FMN1: variants seen among roughly 807,000 people sequenced by gnomAD.
FMN1 encodes formin-1.
A neutral mutation model predicts 132.4 loss-of-function variants in FMN1; 110 were observed. That is an observed-to-expected ratio of 0.83 (90% CI 0.71 to 0.97). FMN1 has a LOEUF of 0.97. Ranked by LOEUF, FMN1 falls within the 50% of genes least tolerant of loss-of-function variation. The probability of loss-of-function intolerance (pLI) is 0.00; values close to 1 mark genes in which losing one functional copy is unlikely to be tolerated. For missense variants in FMN1, 1,792 were observed against 1,705.3 expected, an observed-to-expected ratio of 1.05 and a Z score of -0.90; for synonymous variants, 722 against 651.7, an observed-to-expected ratio of 1.11 and a Z score of -1.64.
rs1440711269 is a variant in FMN1 at position 33,008,020 on chromosome 15, G to T, written c.2217C>A (p.Asn739Lys). ...TAGCATCAAAGAGGCATACCTGCAG[G>T]TTTTCAATTTCTTCTTTGTGCTCCC... is the stretch of plus-strand genomic sequence containing the variant. ...LKREHKEEIE[N>K]LQAQFELRAF... Residue 739 changes from asparagine to lysine, a missense_variant, in exon 7 of 21, where the codon AAC (asparagine) becomes AAA (lysine). Coordinates refer to ENST00000616417, the MANE Select transcript of FMN1 (RefSeq NM_001277313.2). 3 of 1,600,262 alleles carry T rather than the reference G, an allele frequency of 1.9e-6. No individual in the cohort carries two copies. The African/African-American group carries it at 4.0e-5, about 21-fold the overall frequency.
chr15:33,126,706 A>C (rs985062267), intron 4 of FMN1, among the ~76,000 whole-genome samples: 11 of 145,954 alleles, frequency 7.5e-5, no homozygotes, highest in African/African-American at 2.7e-4. Flanking sequence ...AAGGCAATAA[A>C]AGAGCAATCT....
At chr15:32,969,979 GGAA>G (rs779352079) in intron 7 of FMN1, among the ~76,000 whole-genome samples, 1 of 152,068 alleles carries the variant, frequency 6.6e-6, no homozygotes, top group Non-Finnish European at 1.5e-5. Flanking sequence ...AGAAAGCAAG[GGAA>G]GAAGCCACGA....
chr15:33,117,134 T>C (rs771154826), intron 4 of FMN1, among the ~76,000 whole-genome samples: 1 of 152,080 alleles, frequency 6.6e-6, no homozygotes, highest in Non-Finnish European at 1.5e-5. Flanking sequence ...TTAAGAACAA[T>C]GGAGGATCTA....
intron 9 of FMN1, 94 bp downstream of exon 9, chr15:32,964,013 C>CAA (rs528390970): frequency 0.024 from 8,075 of 339,002 alleles, 90 homozygotes; most frequent in African/African-American, 0.13. Flanking sequence ...TGTGTATATA[C>CAA]GATACACACA....
chr15:33,009,504 G>A (rs901853715), intron 6 of FMN1, among the ~76,000 whole-genome samples: 10 of 151,988 alleles, frequency 6.6e-5, no homozygotes, highest in South Asian at 4.2e-4. Context: ...ATACTCCACC[G>A]TACACTGGCT....
intron 16 of FMN1, among the ~76,000 whole-genome samples, chr15:32,874,579 C>T (rs978120036): frequency 2.0e-5 from 3 of 152,140 alleles, no homozygotes; most frequent in African/African-American, 7.2e-5. Context: ...CCTCTGTTTA[C>T]CCTCTAACAG....
chr15:33,078,800 G>C (rs865832226), intron 5 of FMN1, among the ~76,000 whole-genome samples: 1 of 151,500 alleles, frequency 6.6e-6, no homozygotes, highest in African/African-American at 2.4e-5. Flanking sequence ...TCATCCTGGA[G>C]AGAGAGAGGA....
At chr15:32,960,282 A>G (rs1239370061) in intron 9 of FMN1, among the ~76,000 whole-genome samples, 1 of 152,204 alleles carries the variant, frequency 6.6e-6, no homozygotes, top group African/African-American at 2.4e-5. Flanking sequence ...TGGAACAACC[A>G]AATCTCGTGA....
At chr15:33,072,181 G>A (rs922511) in intron 5 of FMN1, among the ~76,000 whole-genome samples, 2 of 152,172 alleles carry the variant, frequency 1.3e-5, no homozygotes, top group Non-Finnish European at 2.9e-5. Context: ...GATTAAAAAT[G>A]ATCCACCTCA....
chr15:32,917,932 T>C (rs1168934121), intron 10 of FMN1, among the ~76,000 whole-genome samples: 1 of 152,204 alleles, frequency 6.6e-6, no homozygotes, highest in Non-Finnish European at 1.5e-5. Flanking sequence ...ATTTATTTAG[T>C]ATATACATTC....
At chr15:33,020,834 C>T (rs996832084) in intron 6 of FMN1, among the ~76,000 whole-genome samples, 3 of 152,104 alleles carry the variant, frequency 2.0e-5, no homozygotes, top group Non-Finnish European at 2.9e-5. Context: ...CAGTATTAGC[C>T]CTTTAAGCCT....
At chr15:32,878,247 G>A (rs183758001) in intron 16 of FMN1, among the ~76,000 whole-genome samples, 13 of 152,302 alleles carry the variant, frequency 8.5e-5, no homozygotes, top group African/African-American at 3.1e-4. Context: ...GAGTTTAGTG[G>A]GCAGGAGGGG....
At chr15:33,159,736 A>T (rs552822219) in intron 3 of FMN1, among the ~76,000 whole-genome samples, 1 of 152,220 alleles carries the variant, frequency 6.6e-6, no homozygotes, top group Non-Finnish European at 1.5e-5. Flanking sequence ...CTGGACTCAA[A>T]TGTGCCTGAA....
At chr15:32,926,402 C>T (rs2060962535) in intron 9 of FMN1, 141 bp from the exon 10 acceptor site, 4 of 549,948 alleles carry the variant, frequency 7.3e-6, no homozygotes, top group Admixed American at 3.7e-5. Context: ...TTAAATAATA[C>T]TTAATTGGGA....
At position 32,865,963 on chromosome 15, in the gene FMN1, C is replaced by T. The variant is rs8035260; in HGVS notation, c.3836-8856G>A. ...TTTGGAAAATTAAAACAATAGCTTTCGCACATTCTTAATTGTGGCATACAG... is the reference window on the plus strand; with the variant it reads ...TTTGGAAAATTAAAACAATAGCTTTTGCACATTCTTAATTGTGGCATACAG... On this transcript the variant is annotated intron_variant, in intron 16 of 20. Coordinates refer to ENST00000616417, the MANE Select transcript of FMN1 (RefSeq NM_001277313.2). 2.6e-4 allele frequency among the ~76,000 whole-genome samples: 39 copies of T among 151,932 alleles called. No homozygotes were observed. In the East Asian group the frequency reaches 3.7e-3, roughly 14 times the overall value.
chr15:33,147,916 G>A (rs1047781147), intron 4 of FMN1, among the ~76,000 whole-genome samples: 2 of 151,934 alleles, frequency 1.3e-5, no homozygotes, highest in African/African-American at 4.8e-5. Flanking sequence ...AATTTTAAGA[G>A]CTTTGTGTGT....
At chr15:33,026,917 G>A (rs1023315495) in intron 6 of FMN1, among the ~76,000 whole-genome samples, 1 of 152,140 alleles carries the variant, frequency 6.6e-6, no homozygotes, top group African/African-American at 2.4e-5. Flanking sequence ...TATTGCAGCT[G>A]TCACTGGGCT....
At chr15:32,919,316 T>C (rs1019922726) in intron 10 of FMN1, among the ~76,000 whole-genome samples, 1 of 152,210 alleles carries the variant, frequency 6.6e-6, no homozygotes, top group African/African-American at 2.4e-5. Context: ...CTTTGGTTGC[T>C]AGTACAAACT....
intron 7 of FMN1, among the ~76,000 whole-genome samples, chr15:32,993,391 T>C (rs2033561443): frequency 6.6e-6 from 1 of 152,188 alleles, no homozygotes. Context: ...ATAAGGGTCA[T>C]GCCATATATA....
Sources: allele counts gnomAD v4.1 joint callset (sites outside exome capture counted in the v4.1 genomes callset), GRCh38; gene constraint gnomAD v4.1.1; transcripts MANE v1.5; gene names NCBI Gene and HGNC (gene_info 2026-07-23, HGNC 2026-07-21).